The following ZNF281 variants were observed in gnomAD, a reference collection of about 807,000 sequenced individuals.
ZNF281 encodes the protein GC-box-binding zinc finger protein 1.
A neutral mutation model predicts 58.8 loss-of-function variants in ZNF281; 2 were observed. The observed-to-expected ratio is 0.03, with a 90% CI of 0.01 to 0.11. The LOEUF (loss-of-function observed/expected upper bound fraction) is 0.11. ZNF281 is among the 10% of genes least tolerant of loss of function. The pLI is 1.00. For missense variants in ZNF281, 975 were observed against 1,090.7 expected (o/e 0.89, Z 1.49); for synonymous variants, 465 against 407.7 (o/e 1.14, Z -1.69).
chr1:200,408,387 TCTA>T lies in ZNF281; in HGVS notation c.1316_1318del (p.Val439del). 1 of 1,614,212 alleles carries T rather than the reference TCTA, an allele frequency of 6.2e-7. No individual in the cohort carries two copies. The highest frequency in any genetic ancestry group is 8.5e-7 in the Non-Finnish European group (1 of 1,180,034). On this transcript the variant is annotated inframe_deletion, in exon 2 of 2. Coordinates refer to ENST00000367353, the MANE Select transcript of ZNF281 (RefSeq NM_001281293.2). ...TCCACTGGAAGACACGGTAGGCATTTCTACTGAGTAACTCTGCATGTTTATATT... is the reference window on the plus strand; with the variant it reads ...TCCACTGGAAGACACGGTAGGCATTTCTGAGTAACTCTGCATGTTTATATT...
In ZNF281 at chr1:200,408,551, A is replaced by G; in HGVS notation, c.1155T>C (p.His385=). ...ACACAGCCAGATTACCCATATTGGT[A>G]TGGTTTGATGACCCAGGTTCTGCAC... The part of the protein sequence containing the change: ...ATSAEPGSSN[H]TNMGNLAVLS... The change falls in exon 2 of 2, where the codon CAT becomes CAC. Residue 385 remains histidine (H), a synonymous_variant. Transcript: ENST00000367353. The G allele has an allele frequency of 1.2e-6, 2 of 1,614,218 alleles. No homozygotes were observed. Among genetic ancestry groups the G allele is most frequent in the African/African-American group, 2.7e-5 (2 of 75,058 alleles).
rs779822758 is a variant in ZNF281 at position 200,409,112 on chromosome 1, G to T, written c.594C>A (p.Ser198Arg). The change falls in exon 2 of 2, where the codon AGC becomes AGA. Residue 198 changes from serine to arginine, a missense_variant. Coordinates refer to ENST00000367353, the MANE Select transcript of ZNF281 (RefSeq NM_001281293.2). ...GGTGGTCATCAGTCCTGCTACTGCT[G>T]CTGAGTAATACGTCACGGTGGTGCT... ...PAQHHRDVLL[S>R]SSSRTDDHHG... 1.9e-6 allele frequency: 3 copies of T among 1,614,208 alleles called. No individual in the cohort carries two copies. Among genetic ancestry groups the T allele is most frequent in the Non-Finnish European group, 2.5e-6 (3 of 1,180,034 alleles).
Position 200,409,528 on chromosome 1 carries a change from C to G in ZNF281, c.178G>C (p.Val60Leu), listed in dbSNP as rs952619045. Residue 60 changes from valine (V) to leucine (L), a missense_variant, in exon 2 of 2, where the codon GTC becomes CTC. Transcript: ENST00000367353. ...MVMFNHRLPP[V>L]TSFTRPAGSA... ...CCCGCCGGCCGGGTGAAGCTGGTGA[C>G]CGGGGGAAGACGGTGGTTGAACATA... The G allele has an allele frequency of 6.5e-7, 1 of 1,549,662 alleles. No homozygotes were observed. Among genetic ancestry groups the G allele is most frequent in the African/African-American group, 1.4e-5 (1 of 73,052 alleles).
Position 200,406,836 on chromosome 1 carries a change from T to TA in ZNF281, c.*181dup, listed in dbSNP as rs1654463593. The TA allele has an allele frequency of 3.8e-6, 2 of 528,692 alleles. No individual in the cohort carries two copies. The highest frequency in any genetic ancestry group is 8.5e-5 in the South Asian group (2 of 23,410). The allele number at this position is 528,692 out of a possible 1,614,324, so 32.8% of individuals were successfully genotyped here. ...CTATTTTTAATCTATTGATTTTGAT[T>TA]AAAAATCATAATACAAACAGAGCTA... is the stretch of plus-strand genomic sequence containing the variant. On this transcript the variant is annotated 3_prime_UTR_variant, in exon 2 of 2. Coordinates refer to ENST00000367353, the MANE Select transcript of ZNF281 (RefSeq NM_001281293.2).
In ZNF281 at chr1:200,407,326, G is replaced by C. The variant is rs906875421; in HGVS notation, c.2380C>G (p.Gln794Glu). ...CCTGTTGAAGACTCTAAGTTTTTCT[G>C]TTCCTTCTGGCTAGTCAATTTCTGA... ...SSQKLTSQKE[Q>E]KNLESSTGFQ... The change falls in exon 2 of 2, where the codon CAG becomes GAG. Residue 794 changes from glutamine to glutamate, a missense_variant. Around this residue, in one of 3 missense-constraint regions of ZNF281, gnomAD observed 579 missense variants for 608.9 expected, o/e 0.95. Coordinates refer to ENST00000367353, the MANE Select transcript of ZNF281 (RefSeq NM_001281293.2). 6.2e-7 allele frequency: 1 copy of C among 1,614,062 alleles called. No homozygotes were observed. Among genetic ancestry groups the C allele is most frequent in the African/African-American group, 1.3e-5 (1 of 75,040 alleles).
In ZNF281 at chr1:200,405,016, T is replaced by G. The variant is rs770451873; in HGVS notation, c.*2002A>C. 6.6e-6 allele frequency: 1 copy of G among 152,606 alleles called. No homozygotes were observed. Among genetic ancestry groups the G allele is most frequent in the Non-Finnish European group, 1.5e-5 (1 of 68,038 alleles). The allele number at this position is 152,606 out of a possible 1,614,324, so 9.5% of individuals were successfully genotyped here. ...AACAATCAGAATAATACATATGCAG[T>G]ATTCAGTACACACAATAAAAGTTAA... On this transcript the variant is annotated 3_prime_UTR_variant, in exon 2 of 2. Coordinates refer to ENST00000367353, the MANE Select transcript of ZNF281 (RefSeq NM_001281293.2).
At position 200,407,418 on chromosome 1, in the gene ZNF281, T is replaced by C; in HGVS notation, c.2288A>G (p.Gln763Arg). Residue 763 changes from glutamine to arginine, a missense_variant, in exon 2 of 2, where the codon CAG (glutamine) becomes CGG (arginine). Gln to Arg is a conservative substitution (Grantham distance 43). Around this residue, in one of 3 missense-constraint regions of ZNF281, gnomAD observed 579 missense variants for 608.9 expected, o/e 0.95. Coordinates refer to ENST00000367353, the MANE Select transcript of ZNF281 (RefSeq NM_001281293.2). ...AGAATCTATCAGATCATCCAGCTCC[T>C]GGGAAGGTGTCAACTGCTGATGTGT... is the stretch of plus-strand genomic sequence containing the variant. ...DATHQQLTPS[Q>R]ELDDLIDSQK... is the part of the protein sequence containing the mutation. The C allele has an allele frequency of 6.2e-7, 1 of 1,614,180 alleles. No homozygotes were observed. Among genetic ancestry groups the C allele is most frequent in the Non-Finnish European group, 8.5e-7 (1 of 1,180,018 alleles).
rs905229814 is a variant in ZNF281 at position 200,405,923 on chromosome 1, G to A, written c.*1095C>T. ...TTACCCTATTGTTTTTTATTTGGAT[G>A]CCCTAAGGCATATAAAGCGCATAGT... On this transcript the variant is annotated 3_prime_UTR_variant, in exon 2 of 2. Coordinates refer to ENST00000367353, the MANE Select transcript of ZNF281 (RefSeq NM_001281293.2). The A allele has an allele frequency of 7.3e-5, 11 of 150,342 alleles. No homozygotes were observed. The highest frequency in any genetic ancestry group is 2.2e-4 in the African/African-American group (9 of 40,756). The allele number at this position is 150,342 out of a possible 1,614,324, so 9.3% of individuals were successfully genotyped here.
Position 200,409,777 on chromosome 1 carries a change from C to G in ZNF281, c.-18-54G>C, listed in dbSNP as rs966479885. On this transcript the variant is annotated intron_variant, in intron 1 of 1. Transcript: ENST00000367353. The stretch of plus-strand genomic sequence containing the variant: ...GGGAGGAAAGGAGGTGGAACCGGGC[C>G]CCGGGCCGGGACCACCGCAGCGCTA... 2.6e-6 allele frequency: 4 copies of G among 1,518,640 alleles called. No individual in the cohort carries two copies. The African/African-American group carries it at 4.1e-5, about 16-fold the overall frequency. 94.1% of individuals were successfully genotyped at this position (1,518,640 alleles called of 1,614,324 possible). A position where few individuals can be genotyped will look rare whatever the true frequency, so the allele number is the denominator to read the frequency against.
rs755788963 is a variant in ZNF281 at position 200,409,109 on chromosome 1, G to A, written c.597C>T (p.Ser199=). 1.2e-6 allele frequency: 2 copies of A among 1,614,086 alleles called. No individual in the cohort carries two copies. The highest frequency in any genetic ancestry group is 1.1e-5 in the South Asian group (1 of 91,080). The part of the protein sequence containing the change: ...AQHHRDVLLS[S]SSRTDDHHGT... ...CATGGTGGTCATCAGTCCTGCTACT[G>A]CTGCTGAGTAATACGTCACGGTGGT... The change falls in exon 2 of 2, where the codon AGC becomes AGT. Residue 199 remains serine (S), a synonymous_variant. Transcript: ENST00000367353.
chr1:200,408,167 G>C lies in ZNF281; in HGVS notation c.1539C>G (p.Thr513=). Residue 513 remains threonine (T), a synonymous_variant, in exon 2 of 2, where the codon ACC becomes ACG. Transcript: ENST00000367353. ...CACTTGTACTTTGGAGAAGACCAATGGTCTCCACACTATTATTTGATACTA... is the reference window on the plus strand; with the variant it reads ...CACTTGTACTTTGGAGAAGACCAATCGTCTCCACACTATTATTTGATACTA... ...LGIVSNNSVE[T]IGLLQSTSGK... is the part of the protein sequence containing the mutation. 1 of 1,613,942 alleles carries C rather than the reference G, an allele frequency of 6.2e-7. No homozygotes were observed. The highest frequency in any genetic ancestry group is 8.5e-7 in the Non-Finnish European group (1 of 1,180,036).
chr1:200,409,137 T>G lies in ZNF281; in HGVS notation c.569A>C (p.Gln190Pro), dbSNP rs967366640. 22 of 1,614,092 alleles carry G rather than the reference T, an allele frequency of 1.4e-5. No homozygotes were observed. Among genetic ancestry groups the G allele is most frequent in the Non-Finnish European group, 1.8e-5 (21 of 1,180,042 alleles). ...GCTGAGTAATACGTCACGGTGGTGCTGGGCTGGTTGCTGCTGGACATGCTG... is the reference window on the plus strand; with the variant it reads ...GCTGAGTAATACGTCACGGTGGTGCGGGGCTGGTTGCTGCTGGACATGCTG... ...LHQHVQQQPA[Q>P]HHRDVLLSSS... Residue 190 changes from glutamine to proline, a missense_variant, in exon 2 of 2, where the codon CAG (glutamine) becomes CCG (proline). Gln to Pro is a moderately conservative substitution (Grantham distance 76). Coordinates refer to ENST00000367353, the MANE Select transcript of ZNF281 (RefSeq NM_001281293.2).
At position 200,409,707 on chromosome 1, in the gene ZNF281, C is replaced by T. The variant is rs1174756198; in HGVS notation, c.-2G>A. 1.3e-6 allele frequency: 2 copies of T among 1,593,070 alleles called. No individual in the cohort carries two copies. The highest frequency in any genetic ancestry group is 1.7e-6 in the Non-Finnish European group (2 of 1,172,234). On this transcript the variant is annotated 5_prime_UTR_variant, in exon 2 of 2. Transcript: ENST00000367353. ...CAGGAACCCACTGCCGATTTTCATA[C>T]CCCGGAGGAGGCCTGGCTGAAGAAA...
Position 200,407,192 on chromosome 1 carries a change from C to T in ZNF281, c.2514G>A (p.Gln838=). ...IENFAQAFGS[Q]FKSGSRVPMT... ...TTGGCACCCTGCTGCCCGACTTAAA[C>T]TGAGAACCAAACGCTTGTGCAAAGT... is the stretch of plus-strand genomic sequence containing the variant. Residue 838 remains glutamine, a synonymous_variant, in exon 2 of 2, where the codon CAG becomes CAA. Coordinates refer to ENST00000367353, the MANE Select transcript of ZNF281 (RefSeq NM_001281293.2). 2 of 1,614,248 alleles carry T rather than the reference C, an allele frequency of 1.2e-6. No homozygotes were observed. The highest frequency in any genetic ancestry group is 1.7e-6 in the Non-Finnish European group (2 of 1,180,048).
chr1:200,407,951 G>C lies in ZNF281; in HGVS notation c.1755C>G (p.Asp585Glu). 6.2e-7 allele frequency: 1 copy of C among 1,614,162 alleles called. No individual in the cohort carries two copies. Among genetic ancestry groups the C allele is most frequent in the Non-Finnish European group, 8.5e-7 (1 of 1,180,022 alleles). Reference protein sequence around the residue: ...LDNEAPLSLIDSSALNAEIKS... With the variant: ...LDNEAPLSLIESSALNAEIKS... ...TAATTTCAGCATTTAGAGCTGAGGA[G>C]TCAATAAGTGACAATGGTGCCTCAT... is the stretch of plus-strand genomic sequence containing the variant. The change falls in exon 2 of 2, where the codon GAC becomes GAG. Residue 585 changes from aspartate (D) to glutamate (E), a missense_variant. Coordinates refer to ENST00000367353, the MANE Select transcript of ZNF281 (RefSeq NM_001281293.2).
Position 200,407,074 on chromosome 1 carries a change from C to A in ZNF281, c.2632G>T (p.Val878Leu). The A allele has an allele frequency of 6.2e-7, 1 of 1,614,096 alleles. No individual in the cohort carries two copies. Among genetic ancestry groups the A allele is most frequent in the Non-Finnish European group, 8.5e-7 (1 of 1,180,002 alleles). The change falls in exon 2 of 2, where the codon GTA (valine) becomes TTA (leucine). Residue 878 changes from valine (V) to leucine (L), a missense_variant. Around this residue, in one of 3 missense-constraint regions of ZNF281, gnomAD observed 579 missense variants for 608.9 expected, o/e 0.95. Transcript: ENST00000367353. Reference protein sequence around the residue: ...FSGYTNMMSDVSEPCSTRVKT... With the variant: ...FSGYTNMMSDLSEPCSTRVKT... Reference sequence around the variant, plus strand: ...ACTCTTGTACTACATGGCTCACTTACATCAGACATCATATTTGTATACCCT... The same window carrying A: ...ACTCTTGTACTACATGGCTCACTTAAATCAGACATCATATTTGTATACCCT...
At position 200,408,689 on chromosome 1, in the gene ZNF281, A is replaced by G; in HGVS notation, c.1017T>C (p.His339=). Residue 339 remains histidine (H), a synonymous_variant, in exon 2 of 2, where the codon CAT becomes CAC. Coordinates refer to ENST00000367353, the MANE Select transcript of ZNF281 (RefSeq NM_001281293.2). ...KYHMERHKRT[H]SGEKPYKCDT... The stretch of plus-strand genomic sequence containing the variant: ...CACACTTATATGGCTTTTCTCCACT[A>G]TGTGTCCTCTTGTGTCTCTCCATAT... 3 of 1,614,134 alleles carry G rather than the reference A, an allele frequency of 1.9e-6. No homozygotes were observed. Among genetic ancestry groups the G allele is most frequent in the East Asian group, 2.2e-5 (1 of 44,884 alleles).
Position 200,408,253 on chromosome 1 carries a change from G to A in ZNF281, c.1453C>T (p.Pro485Ser). The A allele has an allele frequency of 6.2e-7, 1 of 1,611,732 alleles. No individual in the cohort carries two copies. The highest frequency in any genetic ancestry group is 1.1e-5 in the South Asian group (1 of 91,076). The change falls in exon 2 of 2, where the codon CCA becomes TCA. Residue 485 changes from proline to serine, a missense_variant. This residue lies in a region of ZNF281 where 579 missense variants were observed against 608.9 expected (regional missense o/e 0.95). Coordinates refer to ENST00000367353, the MANE Select transcript of ZNF281 (RefSeq NM_001281293.2). ...TDKNYLNFVS[P>S]LPDIVGQKSL... is the part of the protein sequence containing the mutation. Reference sequence around the variant, plus strand: ...TTCTGTCCTACTATGTCTGGTAATGGTGACACAAAGTTAAGGTAGTTTTTA... The same window carrying A: ...TTCTGTCCTACTATGTCTGGTAATGATGACACAAAGTTAAGGTAGTTTTTA...
rs1315671615 is a variant in ZNF281 at position 200,407,568 on chromosome 1, G to A, written c.2138C>T (p.Thr713Met). Residue 713 changes from threonine (T) to methionine (M), a missense_variant, in exon 2 of 2, where the codon ACG (threonine) becomes ATG (methionine). By Grantham distance (81) the Thr-to-Met change is moderately conservative. Transcript: ENST00000367353. ...GCCGAAACCACACTCCAAAGGAGAC[G>A]TAGTGTATATTTGTTTTTCTGGAAA... ...TLFPEKQIYT[T>M]SPLECGFGQS... The A allele has an allele frequency of 6.8e-6, 11 of 1,614,228 alleles. No individual in the cohort carries two copies. The highest frequency in any genetic ancestry group is 9.3e-6 in the Non-Finnish European group (11 of 1,180,044).
Sources: allele counts gnomAD v4.1 joint callset, GRCh38; gene constraint gnomAD v4.1.1; regional missense constraint gnomAD v4.1.1; transcripts MANE v1.5; gene names NCBI Gene and HGNC (gene_info 2026-07-23, HGNC 2026-07-21).